Variants in OSBPL9 observed in about 807,000 individuals in gnomAD.
OSBPL9 encodes oxysterol binding protein like 9, also known as oxysterol-binding protein-related protein 9.
Under a neutral mutation model 106.6 loss-of-function variants are expected in OSBPL9, and 40 were observed. The observed-to-expected ratio is 0.38, with a 90% CI of 0.29 to 0.49. The LOEUF is 0.49. OSBPL9 is among the 20% of genes least tolerant of loss of function. The pLI is 0.97. For missense variants in OSBPL9, 609 were observed against 887.2 expected (o/e 0.69, Z 3.98); for synonymous variants, 269 against 295.4 (o/e 0.91, Z 0.92).
upstream of OSBPL9, among the ~76,000 whole-genome samples, chr1:51,575,124 G>A (rs963912060): frequency 6.6e-6 from 1 of 152,144 alleles, no homozygotes; most frequent in African/African-American, 2.4e-5. Flanking sequence ...GGCCTTCAGG[G>A]TAAACTTTAT....
At position 51,622,018 on chromosome 1, in the gene OSBPL9, G is replaced by GT. The variant is rs60458536; in HGVS notation, c.111+4808dup. On this transcript the variant is annotated intron_variant, in intron 1 of 23. Coordinates refer to ENST00000428468, the MANE Select transcript of OSBPL9 (RefSeq NM_024586.6). Reference sequence around the variant, plus strand: ...ATCAGTAGGTTCAGGTGAAATGTGTGTTTTTTTTTTTATTTTAAAGAATAT... The same window carrying GT: ...ATCAGTAGGTTCAGGTGAAATGTGTGTTTTTTTTTTTTATTTTAAAGAATAT... Among the ~76,000 whole-genome samples the GT allele has an allele frequency of 4.5e-3, 660 of 146,968 alleles. 4 individuals are homozygous for GT. The highest frequency in any genetic ancestry group is 7.3e-3 in the Admixed American group (107 of 14,666).
intron 4 of OSBPL9, among the ~76,000 whole-genome samples, chr1:51,715,750 A>C (rs60269577): frequency 0.13 from 19,085 of 152,176 alleles, 1,317 homozygotes; most frequent in Middle Eastern, 0.22. Context: ...GCTATTGCTT[A>C]CTTGCTTTCC....
intron 2 of OSBPL9, among the ~76,000 whole-genome samples, chr1:51,605,778 C>G (rs571211799): frequency 2.0e-5 from 3 of 151,490 alleles, no homozygotes; most frequent in Non-Finnish European, 4.4e-5. Flanking sequence ...GTCAGGAGTC[C>G]GAGACCAGCC....
At chr1:51,762,434 A>T (rs1671722254) in intron 11 of OSBPL9, among the ~76,000 whole-genome samples, 2 of 152,178 alleles carry the variant, frequency 1.3e-5, no homozygotes, top group Admixed American at 1.3e-4. Context: ...GTGTGCTGGG[A>T]TTATACAAGC....
chr1:51,706,943 T>C (rs1658678738), intron 3 of OSBPL9, among the ~76,000 whole-genome samples: 1 of 152,240 alleles, frequency 6.6e-6, no homozygotes, highest in Non-Finnish European at 1.5e-5. Context: ...ACTTTATTGA[T>C]GGTACATGAC....
chr1:51,639,616 G>A (rs1645650932), intron 1 of OSBPL9, among the ~76,000 whole-genome samples: 1 of 152,084 alleles, frequency 6.6e-6, no homozygotes, highest in Non-Finnish European at 1.5e-5. Context: ...GAAATAATAA[G>A]TGCCTTAAGA....
intron 14 of OSBPL9, 38 bp from the exon 15 acceptor site, chr1:51,776,795 A>T (rs1675188299): frequency 1.5e-6 from 2 of 1,375,456 alleles, no homozygotes; most frequent in Non-Finnish European, 2.0e-6. Flanking sequence ...TCTGAAGAGA[A>T]ATTTGATCTT....
intron 2 of OSBPL9, among the ~76,000 whole-genome samples, chr1:51,601,591 C>T (rs570899325): frequency 3.9e-5 from 6 of 152,186 alleles, no homozygotes; most frequent in Non-Finnish European, 2.9e-5. Flanking sequence ...ATATTCTTCC[C>T]CTCTTCATTC....
chr1:51,614,673 T>G (rs1644012467), upstream of OSBPL9, among the ~76,000 whole-genome samples: 1 of 152,124 alleles, frequency 6.6e-6, no homozygotes, highest in Non-Finnish European at 1.5e-5. Flanking sequence ...TTTCTCCTGT[T>G]GCCTGTATAA....
At chr1:51,618,985 T>G (rs1306374434) in intron 1 of OSBPL9, among the ~76,000 whole-genome samples, 2 of 152,206 alleles carry the variant, frequency 1.3e-5, no homozygotes, top group African/African-American at 4.8e-5. Context: ...CAGCTTTCTT[T>G]CTCTACATAG....
At chr1:51,739,810 A>G (rs937538522) in intron 4 of OSBPL9, among the ~76,000 whole-genome samples, 3 of 152,026 alleles carry the variant, frequency 2.0e-5, no homozygotes, top group South Asian at 2.1e-4. Context: ...CAGTAATCCA[A>G]GGAAATCACA....
chr1:51,613,555 A>G (rs1403771444), upstream of OSBPL9, among the ~76,000 whole-genome samples: 1 of 152,184 alleles, frequency 6.6e-6, no homozygotes, highest in East Asian at 1.9e-4. Flanking sequence ...AAGATATATA[A>G]CATTCCTGGC....
At chr1:51,535,012 CCT>C in the OSBPL9 span, among the ~76,000 whole-genome samples, 2 of 152,178 alleles carry the variant, frequency 1.3e-5, no homozygotes, top group African/African-American at 4.8e-5. Flanking sequence ...TCCTCAACCC[CCT>C]GTTATAACTT....
At chr1:51,774,196 A>G (rs903669665) in intron 14 of OSBPL9, among the ~76,000 whole-genome samples, 6 of 152,200 alleles carry the variant, frequency 3.9e-5, no homozygotes, top group African/African-American at 1.4e-4. Flanking sequence ...TTGGGGGTGA[A>G]GCATGGATGG....
At chr1:51,765,410 T>C (rs1199601764) in intron 11 of OSBPL9, 1 of 153,678 alleles carries the variant, frequency 6.5e-6, no homozygotes, top group Admixed American at 6.5e-5. Flanking sequence ...CTTAATATTC[T>C]TTTCATTTTG....
intron 3 of OSBPL9, among the ~76,000 whole-genome samples, chr1:51,673,237 G>A (rs1650329880): frequency 6.6e-6 from 1 of 152,202 alleles, no homozygotes; most frequent in South Asian, 2.1e-4. Flanking sequence ...GCTACTGACA[G>A]ATCAAATAAG....
rs905648181 is a variant in OSBPL9 at position 51,787,435 on chromosome 1, C to T, written c.2083C>T (p.Gln695Ter). 6.2e-7 allele frequency: 1 copy of T among 1,614,034 alleles called. No individual in the cohort carries two copies. The highest frequency in any genetic ancestry group is 8.5e-7 in the Non-Finnish European group (1 of 1,179,926). ...TEAKHRLEER[Q>*]RAEARERKEK... is the part of the protein sequence containing the mutation. ...AGCAAAGCACAGGCTTGAAGAAAGA[C>T]AAAGAGCAGAAGCCCGAGAAAGGAA... Residue 695 changes from glutamine to a stop codon, truncating the protein, a stop_gained, in exon 23 of 24, where the codon CAA becomes TAA. Transcript: ENST00000428468. LOFTEE classifies it high-confidence loss of function.
At chr1:51,747,329 T>C (rs1454087448) in intron 6 of OSBPL9, among the ~76,000 whole-genome samples, 1 of 152,154 alleles carries the variant, frequency 6.6e-6, no homozygotes, top group Non-Finnish European at 1.5e-5. Context: ...TTCCTTTTCA[T>C]GTATCATATG....
intron 1 of OSBPL9, among the ~76,000 whole-genome samples, chr1:51,593,028 C>T (rs1175347396): frequency 2.0e-5 from 3 of 152,120 alleles, no homozygotes; most frequent in African/African-American, 4.8e-5. Context: ...TGAACCTATC[C>T]TTGGAAAAGG....
Sources: allele counts gnomAD v4.1 joint callset (sites outside exome capture counted in the v4.1 genomes callset), GRCh38; gene constraint gnomAD v4.1.1; transcripts MANE v1.5; gene names NCBI Gene and HGNC (gene_info 2026-07-23, HGNC 2026-07-21).